Variants in GTF2IRD2B observed in about 807,000 individuals in gnomAD.
GTF2IRD2B encodes the protein GTF2I repeat domain containing 2B.
In GTF2IRD2B, 10 loss-of-function variants were observed where a neutral mutation model predicts 55.6. The ratio of observed to expected loss-of-function variants is 0.18; its 90% CI spans 0.11 to 0.31. The LOEUF (loss-of-function observed/expected upper bound fraction) is 0.31, where lower values mean the gene tolerates loss of function less well. Among genes scored for constraint, GTF2IRD2B ranks in the 10% least tolerant of loss-of-function variants. The pLI, the probability that GTF2IRD2B is intolerant of heterozygous loss-of-function variation, is 1.00. For synonymous variants in GTF2IRD2B, 107 were observed against 320.5 expected (o/e 0.33, Z 7.12); for missense variants, 206 against 802.7 (o/e 0.26, Z 8.98).
chr7:75,140,389 A>AG (rs1808976937), intron 12 of GTF2IRD2B, among the ~76,000 whole-genome samples: 1 of 42,494 alleles, frequency 2.4e-5, no homozygotes, highest in Non-Finnish European at 4.9e-5. Context: ...AAAAAAAGAG[A>AG]GGAAAAAAAG....
At chr7:75,145,665 G>A (rs1375844112) in intron 15 of GTF2IRD2B, among the ~76,000 whole-genome samples, 3 of 147,202 alleles carry the variant, frequency 2.0e-5, no homozygotes, top group East Asian at 2.0e-4. Context: ...CCAGGGAGTC[G>A]GGGGTTGCAG....
chr7:75,145,684 G>T (rs1809123790), intron 15 of GTF2IRD2B, among the ~76,000 whole-genome samples: 1 of 142,468 alleles, frequency 7.0e-6, no homozygotes. Context: ...AGTGAGCTGA[G>T]ATCGTGCCAC....
intron 3 of GTF2IRD2B, among the ~76,000 whole-genome samples, chr7:75,117,941 G>A (rs1563094221): frequency 6.6e-6 from 1 of 152,262 alleles, no homozygotes; most frequent in Non-Finnish European, 1.5e-5. Context: ...AAATTAGCTG[G>A]GTGTGGTGGC....
At position 75,112,460 on chromosome 7, in the gene GTF2IRD2B, T is replaced by C; in HGVS notation, c.163T>C (p.Phe55Leu). 1 of 653,248 alleles carries C rather than the reference T, an allele frequency of 1.5e-6. No individual in the cohort carries two copies. The highest frequency in any genetic ancestry group is 1.7e-5 in the South Asian group (1 of 59,618). 40.5% of individuals were successfully genotyped at this position (653,248 alleles called of 1,614,324 possible). ...CATCGCAGTGTACGAAACAGACGTG[T>C]TTGTCGTCGGAACCGAGAGAGGATG... Reference protein sequence around the residue: ...ACIAVYETDVFVVGTERGCAF... With the variant: ...ACIAVYETDVLVVGTERGCAF... The change falls in exon 3 of 16, where the codon TTT (phenylalanine) becomes CTT (leucine). Residue 55 changes from phenylalanine (F) to leucine (L), a missense_variant. Phe to Leu is a conservative substitution (Grantham distance 22). Coordinates refer to ENST00000472837, the MANE Select transcript of GTF2IRD2B (RefSeq NM_001003795.3).
chr7:75,115,431 T>A (rs1808111940), intron 3 of GTF2IRD2B, among the ~76,000 whole-genome samples: 1 of 146,148 alleles, frequency 6.8e-6, no homozygotes, highest in African/African-American at 2.5e-5. Context: ...TTTTTTTATT[T>A]TTTTTTTTTT....
At chr7:75,099,785 A>AAAAC (rs1364704316) in intron 1 of GTF2IRD2B, among the ~76,000 whole-genome samples, 1 of 113,478 alleles carries the variant, frequency 8.8e-6, no homozygotes, top group African/African-American at 3.1e-5. Flanking sequence ...AATAAATAAA[A>AAAAC]CATAATCCTC....
intron 1 of GTF2IRD2B, among the ~76,000 whole-genome samples, chr7:75,105,143 C>G (rs1190112351): frequency 7.9e-5 from 12 of 152,408 alleles, no homozygotes; most frequent in Non-Finnish European, 1.6e-4. Context: ...CTACACTGAA[C>G]TGTGGTAACA....
chr7:75,117,687 T>C (rs1808209549), intron 3 of GTF2IRD2B, among the ~76,000 whole-genome samples: 1 of 152,298 alleles, frequency 6.6e-6, no homozygotes, highest in Non-Finnish European at 1.5e-5. Flanking sequence ...GCCCAGGCGT[T>C]TGAGACCTGC....
chr7:75,146,834 G>A (rs1216910790), intron 15 of GTF2IRD2B: 2 of 146,496 alleles, frequency 1.4e-5, no homozygotes, highest in Non-Finnish European at 3.0e-5. Flanking sequence ...TGGCACGGTG[G>A]CTCCTGTAAT....
At chr7:75,113,594 G>A (rs1808035864) in intron 3 of GTF2IRD2B, among the ~76,000 whole-genome samples, 1 of 146,364 alleles carries the variant, frequency 6.8e-6, no homozygotes, top group South Asian at 2.2e-4. Flanking sequence ...TCACACCACT[G>A]CACTCCAGTC....
At chr7:75,136,299 T>G (rs1477727458) in intron 10 of GTF2IRD2B, among the ~76,000 whole-genome samples, 20 of 11,888 alleles carry the variant, frequency 1.7e-3, no homozygotes, top group Admixed American at 4.4e-3. Flanking sequence ...AATGATTCTG[T>G]TTTTTTTTTT....
intron 1 of GTF2IRD2B, among the ~76,000 whole-genome samples, chr7:75,092,990 G>T (rs1253938281): frequency 4.6e-5 from 7 of 151,788 alleles, no homozygotes; most frequent in South Asian, 2.1e-4. Context: ...GCCTTGCCGC[G>T]GGGGCAATGG....
intron 10 of GTF2IRD2B, among the ~76,000 whole-genome samples, chr7:75,135,475 A>G (rs1410561824): frequency 7.1e-6 from 1 of 141,440 alleles, no homozygotes; most frequent in Non-Finnish European, 1.5e-5. Context: ...TCTTTTATAC[A>G]TGTAAGTTGG....
rs782323728 is a variant in GTF2IRD2B at position 75,113,863 on chromosome 7, A to AGTGT, written c.238+1345_238+1348dup. Among the ~76,000 whole-genome samples the AGTGT allele has an allele frequency of 1.9e-4, 26 of 134,850 alleles. 1 individual carries two copies. The highest frequency in any genetic ancestry group is 1.6e-5 in the Non-Finnish European group (1 of 62,204). 88.5% of individuals were successfully genotyped at this position (134,850 alleles called of 152,430 possible). On this transcript the variant is annotated intron_variant, in intron 3 of 15. Transcript: ENST00000472837. ...CTATGGATTGGCAGAGGGTATATAA[A>AGTGT]GTGTGTGTGTGTGTGTGTGTCTGTG... is the stretch of plus-strand genomic sequence containing the variant.
rs1175727913 is a variant in GTF2IRD2B, at chr7:75,121,791, C to T, written c.358+781C>T. The stretch of plus-strand genomic sequence containing the variant: ...CTTTTTTTTTTTTGAGGCAGAGTCT[C>T]GCTCTGTTGCCCGGGCTGGAGTGCA... On this transcript the variant is annotated intron_variant, in intron 4 of 15. Coordinates refer to ENST00000472837, the MANE Select transcript of GTF2IRD2B (RefSeq NM_001003795.3). Among the ~76,000 whole-genome samples, 67 of 131,480 alleles carry T rather than the reference C, an allele frequency of 5.1e-4. 1 individual carries two copies. In the South Asian group the frequency reaches 7.9e-3, roughly 15 times the overall value. The allele number at this position is 131,480 out of a possible 152,430, so 86.3% of individuals were successfully genotyped here. A position where few individuals can be genotyped will look rare whatever the true frequency, so the allele number is the denominator to read the frequency against.
chr7:75,116,683 C>T (rs1364263313), intron 3 of GTF2IRD2B, among the ~76,000 whole-genome samples: 1 of 139,362 alleles, frequency 7.2e-6, no homozygotes, highest in Non-Finnish European at 1.5e-5. Context: ...TGCTCTGTTG[C>T]CCAGGCTGGA....
At chr7:75,117,913 T>C (rs1297282082) in intron 3 of GTF2IRD2B, among the ~76,000 whole-genome samples, 54 of 152,276 alleles carry the variant, frequency 3.5e-4, no homozygotes, top group African/African-American at 1.3e-3. Flanking sequence ...CGAAACCCCA[T>C]CTGTACTAAA....
At chr7:75,134,205 T>C (rs1475169774) in intron 9 of GTF2IRD2B, among the ~76,000 whole-genome samples, 1 of 124,520 alleles carries the variant, frequency 8.0e-6, no homozygotes. Flanking sequence ...CTGGGCAACA[T>C]GGTGAGACGC....
At chr7:75,117,420 G>A (rs1332735900) in intron 3 of GTF2IRD2B, among the ~76,000 whole-genome samples, 5 of 152,290 alleles carry the variant, frequency 3.3e-5, no homozygotes, top group East Asian at 3.8e-4. Flanking sequence ...GCTTGAACCC[G>A]GGAGGCGGAG....
Sources: gnomAD v4.1 joint callset for allele counts (sites outside exome capture counted in the v4.1 genomes callset) on GRCh38, gnomAD v4.1.1 for gene constraint, MANE v1.5 for transcripts, NCBI Gene and HGNC (gene_info 2026-07-23, HGNC 2026-07-21) for gene names.